Variants in ASTN2 observed in about 807,000 individuals in gnomAD.
ASTN2 encodes astrotactin 2.
Under a neutral mutation model 139.8 loss-of-function variants are expected in ASTN2, and 54 were observed. The ratio of observed to expected loss-of-function variants is 0.39; its 90% CI spans 0.31 to 0.48. ASTN2 has a LOEUF of 0.48. Ranked by LOEUF, ASTN2 falls within the 20% of genes least tolerant of loss-of-function variation. The probability of loss-of-function intolerance (pLI) is 0.95; values close to 1 mark genes in which losing one functional copy is unlikely to be tolerated. For synonymous variants in ASTN2, 756 were observed against 719.5 expected, an observed-to-expected ratio of 1.05 and a Z score of -0.81; for missense variants, 1,565 against 1,725.1, an observed-to-expected ratio of 0.91 and a Z score of 1.64.
At chr9:117,058,170 T>C (rs1234372613) in intron 5 of ASTN2, among the ~76,000 whole-genome samples, 3 of 152,176 alleles carry the variant, frequency 2.0e-5, no homozygotes, top group African/African-American at 7.2e-5. Flanking sequence ...ATCAGCTAAA[T>C]TAATATTTGA....
intron 10 of ASTN2, among the ~76,000 whole-genome samples, chr9:116,900,174 T>C (rs1001910330): frequency 1.3e-5 from 2 of 152,238 alleles, no homozygotes. Context: ...TTCAGTAAAT[T>C]GACTCTGTCT....
intron 3 of ASTN2, among the ~76,000 whole-genome samples, chr9:117,188,013 G>A (rs1471583921): frequency 1.3e-5 from 2 of 152,040 alleles, no homozygotes; most frequent in African/African-American, 2.4e-5. Flanking sequence ...TTTGAGGTGG[G>A]TAATTATTTG....
At chr9:117,283,503 C>T (rs534244337) in intron 2 of ASTN2, among the ~76,000 whole-genome samples, 2 of 152,268 alleles carry the variant, frequency 1.3e-5, no homozygotes, top group South Asian at 2.1e-4. Flanking sequence ...TGTTACAAAA[C>T]TTCATCATAC....
At chr9:116,981,283 T>G (rs1836507137) in intron 7 of ASTN2, among the ~76,000 whole-genome samples, 1 of 152,198 alleles carries the variant, frequency 6.6e-6, no homozygotes, top group Non-Finnish European at 1.5e-5. Context: ...AATGAATGAA[T>G]GAGTGAATTC....
intron 3 of ASTN2, chr9:117,180,625 A>C: frequency 1.0e-6 from 1 of 998,472 alleles, no homozygotes. Flanking sequence ...GATCTGGAGT[A>C]TCTTTTTTTT....
At chr9:117,095,923 G>T in intron 5 of ASTN2, 121 bp downstream of exon 5, 1 of 879,750 alleles carries the variant, frequency 1.1e-6, no homozygotes, top group Non-Finnish European at 1.8e-6. Context: ...ACTAAGCTCA[G>T]TTTTAACCAG....
rs536416941 is a variant in ASTN2, at chr9:116,731,743, G to A, written c.2521+1656C>T. On this transcript the variant is annotated intron_variant, in intron 14 of 22. Coordinates refer to ENST00000313400, the MANE Select transcript of ASTN2 (RefSeq NM_001365068.1). ...CCGGCCCATACCCTATATTTTAGAG[G>A]AAGAAACTGAGGCTCAGAGAGCAAA... Among the ~76,000 whole-genome samples, 31 of 152,276 alleles carry A rather than the reference G, an allele frequency of 2.0e-4. No homozygotes were observed. The South Asian group carries it at 6.4e-3, about 32-fold the overall frequency.
chr9:117,291,391 G>A lies in ASTN2; in HGVS notation c.565C>T (p.Pro189Ser), dbSNP rs762371896. ...ATCTCCGAGGGCTCCTGGAGAGTGG[G>A]GGCGGTGGCTTGGGCCAGCTGCCCG... is the stretch of plus-strand genomic sequence containing the variant. ...SSGQLAQATAPTLQEPSEIVE... is the reference protein window; with the variant it reads ...SSGQLAQATASTLQEPSEIVE... Residue 189 changes from proline (P) to serine (S), a missense_variant, in exon 2 of 23, where the codon CCC becomes TCC. By Grantham distance (74) the Pro-to-Ser change is moderately conservative. Transcript: ENST00000313400. The A allele has an allele frequency of 1.9e-6, 3 of 1,614,216 alleles. No individual in the cohort carries two copies. In the South Asian group the frequency reaches 3.3e-5, roughly 18 times the overall value.
At chr9:116,661,593 T>C (rs1028208961) in intron 16 of ASTN2, among the ~76,000 whole-genome samples, 4 of 152,056 alleles carry the variant, frequency 2.6e-5, no homozygotes, top group African/African-American at 4.8e-5. Flanking sequence ...GCTTAAGATA[T>C]GGCAGAGAGA....
intron 13 of ASTN2, among the ~76,000 whole-genome samples, chr9:116,772,139 T>C (rs1381449638): frequency 6.6e-6 from 1 of 152,210 alleles, no homozygotes; most frequent in Non-Finnish European, 1.5e-5. Flanking sequence ...GAACTGCAAA[T>C]GCAAAGACTA....
chr9:116,944,278 C>T (rs1230548450), intron 10 of ASTN2, among the ~76,000 whole-genome samples: 1 of 152,086 alleles, frequency 6.6e-6, no homozygotes, highest in Non-Finnish European at 1.5e-5. Context: ...GAGATCTACA[C>T]AAATCAGAGG....
chr9:117,038,756 A>G (rs919843606), intron 6 of ASTN2, among the ~76,000 whole-genome samples: 2 of 152,208 alleles, frequency 1.3e-5, no homozygotes, highest in African/African-American at 2.4e-5. Flanking sequence ...GAAGTGTTTG[A>G]GAAACAGACG....
intron 3 of ASTN2, among the ~76,000 whole-genome samples, chr9:117,178,830 G>A (rs560951153): frequency 6.6e-6 from 1 of 152,322 alleles, no homozygotes; most frequent in South Asian, 2.1e-4. Flanking sequence ...CCCTAATTAA[G>A]TTATTAGACA....
chr9:116,530,094 G>GAT lies in ASTN2; in HGVS notation c.3356-42596_3356-42595dup, dbSNP rs3984942. Among the ~76,000 whole-genome samples, 119 of 50,992 alleles carry GAT rather than the reference G, an allele frequency of 2.3e-3. 1 individual carries two copies. Among genetic ancestry groups the GAT allele is most frequent in the Non-Finnish European group, 2.5e-3 (72 of 28,656 alleles). 33.5% of individuals were successfully genotyped at this position (50,992 alleles called of 152,430 possible). On this transcript the variant is annotated intron_variant, in intron 19 of 22. Coordinates refer to ENST00000313400, the MANE Select transcript of ASTN2 (RefSeq NM_001365068.1). Reference sequence around the variant, plus strand: ...ATCAGTGGATGAATGGATAAAGTGTGATATATATATATATATATATATATA... The same window carrying GAT: ...ATCAGTGGATGAATGGATAAAGTGTGATATATATATATATATATATATATATA...
At chr9:117,225,535 GTATATATATATATA>G (rs58184768) in intron 2 of ASTN2, among the ~76,000 whole-genome samples, 1,911 of 63,946 alleles carry the variant, frequency 0.03, 168 homozygotes, top group African/African-American at 0.078. Flanking sequence ...CAAGCTGTAT[GTATATATATATATA>G]TATATATATA....
At chr9:116,952,769 G>A (rs181543137) in intron 10 of ASTN2, among the ~76,000 whole-genome samples, 273 of 152,294 alleles carry the variant, frequency 1.8e-3, no homozygotes, top group Non-Finnish European at 2.8e-3. Context: ...TCAGCTAGCC[G>A]AGCAATCGCC....
intron 1 of ASTN2, among the ~76,000 whole-genome samples, chr9:117,305,786 T>C (rs1283779826): frequency 6.6e-6 from 1 of 152,230 alleles, no homozygotes; most frequent in African/African-American, 2.4e-5. Context: ...ACATATCTCA[T>C]TTCAAACTCC....
Position 117,060,585 on chromosome 9 carries a change from C to CAGGCAGGCAGGAAGGA in ASTN2, c.1277-20621_1277-20620insTCCTTCCTGCCTGCCT, listed in dbSNP as rs373697206. ...GAAAGAGGGAGGGAGGGAAAGAAGG[C>CAGGCAGGCAGGAAGGA]AGGAAGGAAGGAAGGAAGGAAGGGC... On this transcript the variant is annotated intron_variant, in intron 5 of 22. Transcript: ENST00000313400. 1.0e-3 allele frequency among the ~76,000 whole-genome samples: 132 copies of CAGGCAGGCAGGAAGGA among 132,440 alleles called. 3 individuals carry two copies. Among genetic ancestry groups the CAGGCAGGCAGGAAGGA allele is most frequent in the Middle Eastern group, 4.1e-3 (1 of 244 alleles). 86.9% of individuals were successfully genotyped at this position (132,440 alleles called of 152,430 possible).
At chr9:116,632,185 G>GAGAGAGAGA (rs1564168833) in intron 17 of ASTN2, among the ~76,000 whole-genome samples, 70 of 48,642 alleles carry the variant, frequency 1.4e-3, no homozygotes, top group Admixed American at 3.2e-3. Flanking sequence ...AGAGAGAGAG[G>GAGAGAGAGA]GAGAGAGAGA....
Sources: gnomAD v4.1 joint callset for allele counts (sites outside exome capture counted in the v4.1 genomes callset) on GRCh38, gnomAD v4.1.1 for gene constraint, MANE v1.5 for transcripts, NCBI Gene and HGNC (gene_info 2026-07-23, HGNC 2026-07-21) for gene names.